The following HS3ST2 variants were observed in gnomAD, a reference collection of about 807,000 sequenced individuals.
HS3ST2 encodes heparan sulfate-glucosamine 3-sulfotransferase 2, also known as heparan sulfate glucosamine 3-O-sulfotransferase 2.
In HS3ST2, 17 loss-of-function variants were observed where a neutral mutation model predicts 26.3. The observed-to-expected ratio is 0.65, with a 90% confidence interval of 0.44 to 0.97. The LOEUF is 0.97. HS3ST2 is among the 50% of genes least tolerant of loss of function. The probability of loss-of-function intolerance (pLI) is 0.00; values close to 1 mark genes in which losing one functional copy is unlikely to be tolerated. For missense variants in HS3ST2, 402 were observed against 501.2 expected, an observed-to-expected ratio of 0.80 and a Z score of 1.89; for synonymous variants, 237 against 219.2, an observed-to-expected ratio of 1.08 and a Z score of -0.72.
At chr16:22,853,290 A>G (rs568491280) in intron 1 of HS3ST2, among the ~76,000 whole-genome samples, 74 of 152,310 alleles carry the variant, frequency 4.9e-4, no homozygotes, top group East Asian at 4.8e-3. Flanking sequence ...GGACTCATAC[A>G]GTGCATCTTA....
At chr16:22,909,245 T>G (rs1902391980) in intron 1 of HS3ST2, among the ~76,000 whole-genome samples, 1 of 152,132 alleles carries the variant, frequency 6.6e-6, no homozygotes, top group Non-Finnish European at 1.5e-5. Flanking sequence ...TGTTACCAGA[T>G]GTAGGGAAAA....
At chr16:22,844,769 A>G (rs1370279290) in intron 1 of HS3ST2, among the ~76,000 whole-genome samples, 3 of 152,016 alleles carry the variant, frequency 2.0e-5, no homozygotes, top group Non-Finnish European at 4.4e-5. Flanking sequence ...ACCTTCCACC[A>G]TGATTGTAAA....
intron 1 of HS3ST2, among the ~76,000 whole-genome samples, chr16:22,893,876 C>T (rs1033445620): frequency 1.3e-5 from 2 of 152,076 alleles, no homozygotes; most frequent in African/African-American, 4.8e-5. Context: ...CAGCCTCAAC[C>T]GCCCAGGCTC....
At chr16:22,867,516 A>G (rs1367004130) in intron 1 of HS3ST2, among the ~76,000 whole-genome samples, 1 of 152,266 alleles carries the variant, frequency 6.6e-6, no homozygotes, top group Non-Finnish European at 1.5e-5. Flanking sequence ...TGACATATAA[A>G]CAAGAAAGAG....
At chr16:22,885,073 T>A (rs1345999294) in intron 1 of HS3ST2, among the ~76,000 whole-genome samples, 1 of 152,038 alleles carries the variant, frequency 6.6e-6, no homozygotes, top group African/African-American at 2.4e-5. Context: ...ACTCCTGACC[T>A]CAAGTGACCC....
At chr16:22,832,946 A>G (rs1203055396) in intron 1 of HS3ST2, among the ~76,000 whole-genome samples, 2 of 151,612 alleles carry the variant, frequency 1.3e-5, no homozygotes, top group African/African-American at 4.9e-5. Context: ...TTCCTGATGC[A>G]TGCTGCCCAG....
At chr16:22,841,023 T>C (rs1451570498) in intron 1 of HS3ST2, among the ~76,000 whole-genome samples, 1 of 141,622 alleles carries the variant, frequency 7.1e-6, no homozygotes, top group East Asian at 2.3e-4. Context: ...GTCCATGTGT[T>C]CTCATTGTTC....
chr16:22,879,499 G>A lies in HS3ST2; in HGVS notation c.486-35445G>A, dbSNP rs987096636. Among the ~76,000 whole-genome samples the A allele has an allele frequency of 2.6e-5, 4 of 152,266 alleles. 1 individual carries two copies. Among genetic ancestry groups the A allele is most frequent in the South Asian group, 4.2e-4 (2 of 4,816 alleles). ...AGAGGGTGGATGGGGTGGGGGTGAT[G>A]AGCACACTCTGCTGGGGGGCATCCC... On this transcript the variant is annotated intron_variant, in intron 1 of 1. Transcript: ENST00000261374.
intron 1 of HS3ST2, among the ~76,000 whole-genome samples, chr16:22,906,744 A>G (rs1334511536): frequency 1.3e-5 from 2 of 152,230 alleles, no homozygotes; most frequent in Non-Finnish European, 2.9e-5. Context: ...CTAGCTGCCC[A>G]AGGCCAGAAT....
chr16:22,876,279 TG>T (rs1901915471), intron 1 of HS3ST2, among the ~76,000 whole-genome samples: 1 of 151,730 alleles, frequency 6.6e-6, no homozygotes, highest in African/African-American at 2.4e-5. Context: ...CATCAAAAAG[TG>T]GGCTAAGGAC....
chr16:22,862,656 A>G (rs1483123644), intron 1 of HS3ST2, among the ~76,000 whole-genome samples: 3 of 152,186 alleles, frequency 2.0e-5, no homozygotes, highest in African/African-American at 7.2e-5. Flanking sequence ...GGACTCAGCC[A>G]GGTTGCCAGT....
chr16:22,862,198 C>A (rs1252656662), intron 1 of HS3ST2, among the ~76,000 whole-genome samples: 1 of 151,662 alleles, frequency 6.6e-6, no homozygotes, highest in Non-Finnish European at 1.5e-5. Flanking sequence ...ACCAATTAGG[C>A]CTTCCTGTTT....
chr16:22,850,572 A>C (rs1185168539), intron 1 of HS3ST2, among the ~76,000 whole-genome samples: 2 of 152,152 alleles, frequency 1.3e-5, no homozygotes, highest in African/African-American at 4.8e-5. Context: ...AGATCACTTG[A>C]GGTCAGGAGT....
At chr16:22,861,475 A>G (rs1165761023) in intron 1 of HS3ST2, among the ~76,000 whole-genome samples, 9 of 151,880 alleles carry the variant, frequency 5.9e-5, no homozygotes, top group African/African-American at 2.2e-4. Flanking sequence ...GGCAGTGGGT[A>G]GGTGAAGTGA....
At chr16:22,880,303 G>A (rs1901970601) in intron 1 of HS3ST2, among the ~76,000 whole-genome samples, 1 of 152,130 alleles carries the variant, frequency 6.6e-6, no homozygotes. Flanking sequence ...TGTAGTCCCA[G>A]CTACATGGGA....
rs1004809549 is a variant in HS3ST2, at chr16:22,829,241, C to T, written c.485+14146C>T. On this transcript the variant is annotated intron_variant, in intron 1 of 1. Coordinates refer to ENST00000261374, the MANE Select transcript of HS3ST2 (RefSeq NM_006043.2). ...ATGGAGAAGCAGTTGGAAGTAGTGA[C>T]GGCATCACAAACTCAACATCCTTAG... Among the ~76,000 whole-genome samples the T allele has an allele frequency of 3.3e-5, 5 of 152,120 alleles. 1 individual carries two copies. Among genetic ancestry groups the T allele is most frequent in the African/African-American group, 7.2e-5 (3 of 41,422 alleles).
chr16:22,885,158 T>C (rs118083407), intron 1 of HS3ST2, among the ~76,000 whole-genome samples: 3,473 of 152,068 alleles, frequency 0.023, 65 homozygotes, highest in Non-Finnish European at 0.032. Flanking sequence ...TTCACTCTTA[T>C]GTGACATATT....
rs73551253 is a variant in HS3ST2 at position 22,863,047 on chromosome 16, C to T, written c.485+47952C>T. ...CCTCAGCCGACTACAGACAGTCTTCCCAGTTGTCCTGGGCCTCCAATGAGG... is the reference window on the plus strand; with the variant it reads ...CCTCAGCCGACTACAGACAGTCTTCTCAGTTGTCCTGGGCCTCCAATGAGG... On this transcript the variant is annotated intron_variant, in intron 1 of 1. Transcript: ENST00000261374. 5.4e-3 allele frequency among the ~76,000 whole-genome samples: 827 copies of T among 152,334 alleles called. 8 individuals carry two copies. The highest frequency in any genetic ancestry group is 0.018 in the African/African-American group (766 of 41,570).
intron 1 of HS3ST2, among the ~76,000 whole-genome samples, chr16:22,852,479 AG>A (rs1901531504): frequency 6.6e-6 from 1 of 152,172 alleles, no homozygotes; most frequent in African/African-American, 2.4e-5. Flanking sequence ...CTTCTGGCAC[AG>A]GGTGGTCCTG....
Sources: gnomAD v4.1 joint callset for allele counts (sites outside exome capture counted in the v4.1 genomes callset) on GRCh38, gnomAD v4.1.1 for gene constraint, MANE v1.5 for transcripts, NCBI Gene and HGNC (gene_info 2026-07-23, HGNC 2026-07-21) for gene names.